Variants in LHFPL3 observed in about 807,000 individuals in gnomAD.
LHFPL3 encodes LHFPL tetraspan subfamily member 3.
Under a neutral mutation model 19.3 loss-of-function variants are expected in LHFPL3, and 5 were observed. The observed-to-expected ratio is 0.26, with a 90% CI of 0.14 to 0.54. The LOEUF is 0.54. Ranked by LOEUF, LHFPL3 falls within the 20% of genes least tolerant of loss-of-function variation. The pLI, the probability that LHFPL3 is intolerant of heterozygous loss-of-function variation, is 0.94. For missense variants in LHFPL3, 249 were observed against 307.4 expected (o/e 0.81, Z 1.42); for synonymous variants, 133 against 126.2 (o/e 1.05, Z -0.36).
chr7:104,740,744 C>A (rs1793918874), intron 2 of LHFPL3, among the ~76,000 whole-genome samples: 1 of 152,126 alleles, frequency 6.6e-6, no homozygotes, highest in African/African-American at 2.4e-5. Flanking sequence ...CCCCATGATT[C>A]AATTAATCTC....
chr7:104,646,278 A>G (rs1791933093), intron 1 of LHFPL3, among the ~76,000 whole-genome samples: 1 of 152,240 alleles, frequency 6.6e-6, no homozygotes, highest in African/African-American at 2.4e-5. Flanking sequence ...TGCATTTTAA[A>G]GAATTTGTTC....
chr7:104,736,507 CCACACACA>C (rs57904267), intron 1 of LHFPL3, among the ~76,000 whole-genome samples, 160 bp from the exon 2 acceptor site: 1 of 150,642 alleles, frequency 6.6e-6, no homozygotes, highest in Non-Finnish European at 1.5e-5. Context: ...GTTTGCATGC[CCACACACA>C]CACACACACA....
chr7:104,471,903 T>G (rs1792914095), intron 1 of LHFPL3, among the ~76,000 whole-genome samples: 1 of 152,184 alleles, frequency 6.6e-6, no homozygotes, highest in Non-Finnish European at 1.5e-5. Context: ...TTCTGCCACA[T>G]GCAATGGCCC....
intron 2 of LHFPL3, among the ~76,000 whole-genome samples, chr7:104,769,505 A>G (rs1001899629): frequency 3.9e-5 from 6 of 152,190 alleles, no homozygotes; most frequent in South Asian, 4.1e-4. Context: ...CATGTGCAGA[A>G]CATGCAGGTT....
intron 1 of LHFPL3, among the ~76,000 whole-genome samples, chr7:104,339,458 T>C (rs551464539): frequency 2.0e-4 from 30 of 152,318 alleles, no homozygotes; most frequent in African/African-American, 6.7e-4. Context: ...AATCAGACTC[T>C]TTCCCTGGCC....
At chr7:104,632,579 C>T (rs1791663043) in intron 1 of LHFPL3, among the ~76,000 whole-genome samples, 1 of 152,196 alleles carries the variant, frequency 6.6e-6, no homozygotes, top group East Asian at 1.9e-4. Flanking sequence ...TTCTAGTTTT[C>T]CATATAGCTA....
intron 1 of LHFPL3, among the ~76,000 whole-genome samples, chr7:104,535,176 C>T (rs1254495358): frequency 6.6e-6 from 1 of 152,164 alleles, no homozygotes; most frequent in African/African-American, 2.4e-5. Context: ...AATTCATTAT[C>T]CCTCAGTAAG....
intron 1 of LHFPL3, among the ~76,000 whole-genome samples, chr7:104,390,354 C>T (rs1373934312): frequency 6.8e-6 from 1 of 146,274 alleles, no homozygotes; most frequent in Non-Finnish European, 1.5e-5. Context: ...CACCCCACAA[C>T]AGGCCCCAGT....
intron 1 of LHFPL3, among the ~76,000 whole-genome samples, chr7:104,384,808 A>G (rs932432834): frequency 2.0e-5 from 3 of 151,354 alleles, no homozygotes; most frequent in African/African-American, 7.3e-5. Context: ...AAAAAAAAAA[A>G]AAAGAAGAAT....
intron 1 of LHFPL3, among the ~76,000 whole-genome samples, chr7:104,435,365 C>A (rs761369248): frequency 3.3e-5 from 5 of 152,048 alleles, no homozygotes; most frequent in South Asian, 2.1e-4. Flanking sequence ...TGCTCTCGAC[C>A]TCCTGGCCTC....
rs112234621 is a variant in LHFPL3, at chr7:104,800,463, G to A, written c.682+63552G>A. Among the ~76,000 whole-genome samples the A allele has an allele frequency of 1.1e-4, 17 of 151,938 alleles. 1 individual carries two copies. The highest frequency in any genetic ancestry group is 3.9e-4 in the East Asian group (2 of 5,164). ...CTCTTGCCCACTTTCCTCTTCCTAC[G>A]TGCCTTCCTTAAACTTATCCATTCC... On this transcript the variant is annotated intron_variant, in intron 2 of 2. Transcript: ENST00000424859.
At chr7:104,583,012 A>G (rs1025325923) in intron 1 of LHFPL3, among the ~76,000 whole-genome samples, 1 of 152,002 alleles carries the variant, frequency 6.6e-6, no homozygotes, top group Non-Finnish European at 1.5e-5. Context: ...GGGAATATCC[A>G]TGTTCCCCCT....
intron 1 of LHFPL3, among the ~76,000 whole-genome samples, chr7:104,536,843 C>T (rs1794397606): frequency 6.6e-6 from 1 of 152,150 alleles, no homozygotes. Context: ...TACAATAGAA[C>T]ATGCCAGAAA....
chr7:104,434,546 A>G (rs1187435509), intron 1 of LHFPL3, among the ~76,000 whole-genome samples: 1 of 152,226 alleles, frequency 6.6e-6, no homozygotes, highest in African/African-American at 2.4e-5. Flanking sequence ...AAAAAAGTGA[A>G]CTTAGATGCA....
chr7:104,458,099 T>G (rs1348527574), intron 1 of LHFPL3, among the ~76,000 whole-genome samples: 1 of 151,764 alleles, frequency 6.6e-6, no homozygotes. Flanking sequence ...TCTTTTGCTG[T>G]GCAGAAGCTC....
intron 1 of LHFPL3, among the ~76,000 whole-genome samples, chr7:104,372,028 C>T (rs771964438): frequency 8.5e-5 from 13 of 152,172 alleles, no homozygotes; most frequent in Non-Finnish European, 1.6e-4. Flanking sequence ...AAGTTACAGT[C>T]CATTTAAGAA....
At chr7:104,422,302 A>C (rs547650518) in intron 1 of LHFPL3, among the ~76,000 whole-genome samples, 4 of 152,306 alleles carry the variant, frequency 2.6e-5, no homozygotes, top group Admixed American at 1.3e-4. Flanking sequence ...TGGAGGTTGC[A>C]GTGAGCCGAG....
intron 2 of LHFPL3, among the ~76,000 whole-genome samples, chr7:104,866,428 A>G (rs1791724329): frequency 6.6e-6 from 1 of 152,218 alleles, no homozygotes; most frequent in Admixed American, 6.5e-5. Context: ...TTGCAATCCT[A>G]ATCTCTGATA....
chr7:104,502,436 C>T (rs976674161), intron 1 of LHFPL3, among the ~76,000 whole-genome samples: 3 of 151,924 alleles, frequency 2.0e-5, no homozygotes, highest in Admixed American at 6.6e-5. Context: ...AAAGGTTTTA[C>T]ATTCTTATTT....
Sources: allele counts gnomAD v4.1 joint callset (sites outside exome capture counted in the v4.1 genomes callset), GRCh38; gene constraint gnomAD v4.1.1; transcripts MANE v1.5; gene names NCBI Gene and HGNC (gene_info 2026-07-23, HGNC 2026-07-21).